TSHZ2: variants seen among roughly 807,000 people sequenced by gnomAD.
The protein encoded by TSHZ2 is teashirt zinc finger homeobox 2, also known as teashirt homolog 2.
Under a neutral mutation model 74.4 loss-of-function variants are expected in TSHZ2, and 21 were observed. The ratio of observed to expected loss-of-function variants is 0.28; its 90% CI spans 0.20 to 0.41. The LOEUF (loss-of-function observed/expected upper bound fraction) is 0.41. Ranked by LOEUF, TSHZ2 falls within the 10% of genes least tolerant of loss-of-function variation. The pLI is 1.00. For synonymous variants in TSHZ2, 540 were observed against 515.3 expected (o/e 1.05, Z -0.65); for missense variants, 1,244 against 1,293.5 (o/e 0.96, Z 0.59).
At chr20:53,445,213 A>G (rs1483613525) in intron 2 of TSHZ2, among the ~76,000 whole-genome samples, 1 of 152,238 alleles carries the variant, frequency 6.6e-6, no homozygotes, top group African/African-American at 2.4e-5. Flanking sequence ...GCATAAACAC[A>G]TAAATAAGAT....
At chr20:53,275,888 T>C (rs911846687) in intron 2 of TSHZ2, among the ~76,000 whole-genome samples, 1 of 152,148 alleles carries the variant, frequency 6.6e-6, no homozygotes, top group African/African-American at 2.4e-5. Context: ...GATCGCACCA[T>C]TGCACTGCAG....
intron 1 of TSHZ2, among the ~76,000 whole-genome samples, chr20:53,214,277 C>A (rs745902160): frequency 2.6e-5 from 4 of 151,900 alleles, no homozygotes; most frequent in South Asian, 2.1e-4. Context: ...GGAGAGGGAG[C>A]GGATGATGGA....
intron 2 of TSHZ2, among the ~76,000 whole-genome samples, chr20:53,332,089 G>T (rs145256105): frequency 9.3e-4 from 142 of 152,264 alleles, no homozygotes; most frequent in Non-Finnish European, 6.2e-4. Flanking sequence ...GTGGGGAAGG[G>T]CAGATGAACT....
chr20:53,224,754 G>A (rs1374597408), intron 1 of TSHZ2, among the ~76,000 whole-genome samples: 1 of 151,728 alleles, frequency 6.6e-6, no homozygotes, highest in Non-Finnish European at 1.5e-5. Context: ...GGAGGCTGAG[G>A]CAGGAGAATT....
chr20:53,378,381 A>C (rs1288802153), intron 2 of TSHZ2, among the ~76,000 whole-genome samples: 2 of 149,054 alleles, frequency 1.3e-5, no homozygotes, highest in African/African-American at 2.5e-5. Context: ...TAATAATAAT[A>C]GAACCTAATG....
chr20:53,089,320 C>CTTTT (rs5841928), intron 1 of TSHZ2, among the ~76,000 whole-genome samples: 70 of 99,904 alleles, frequency 7.0e-4, no homozygotes, highest in African/African-American at 1.6e-3. Context: ...ATGGGATTTT[C>CTTTT]TTTTTTTTTT....
In TSHZ2 at chr20:53,097,422, G is replaced by A. The variant is rs116595438; in HGVS notation, c.40+124089G>A. Among the ~76,000 whole-genome samples, 321 of 152,216 alleles carry A rather than the reference G, an allele frequency of 2.1e-3. 2 individuals carry two copies. Among genetic ancestry groups the A allele is most frequent in the African/African-American group, 7.3e-3 (304 of 41,536 alleles). ...CTCTGATTTCCTGATGCAGAGATGG[G>A]GAAAGCATTCCCATCTCCTTTGGCC... On this transcript the variant is annotated intron_variant, in intron 1 of 2. Coordinates refer to ENST00000371497, the MANE Select transcript of TSHZ2 (RefSeq NM_173485.6).
At chr20:53,442,750 G>A (rs1312973972) in intron 2 of TSHZ2, among the ~76,000 whole-genome samples, 2 of 152,164 alleles carry the variant, frequency 1.3e-5, no homozygotes, top group Non-Finnish European at 2.9e-5. Flanking sequence ...GTTGGAGGTT[G>A]TTCAAAAAGC....
At chr20:53,101,504 T>C (rs1986216890) in intron 1 of TSHZ2, among the ~76,000 whole-genome samples, 1 of 152,228 alleles carries the variant, frequency 6.6e-6, no homozygotes, top group African/African-American at 2.4e-5. Context: ...TCTGTATTCT[T>C]AAGTTTAAAG....
At chr20:53,161,151 A>AAAAAAAAAAAAAAAAG (rs1987927908) in intron 1 of TSHZ2, among the ~76,000 whole-genome samples, 1 of 150,760 alleles carries the variant, frequency 6.6e-6, no homozygotes, top group African/African-American at 2.5e-5. Flanking sequence ...AAAAAAAAAA[A>AAAAAAAAAAAAAAAAG]AATAGGAGGT....
At chr20:53,175,383 C>T (rs964533854) in intron 1 of TSHZ2, among the ~76,000 whole-genome samples, 1 of 152,010 alleles carries the variant, frequency 6.6e-6, no homozygotes, top group Non-Finnish European at 1.5e-5. Flanking sequence ...CTCAGGTGAT[C>T]CACCTGCCTC....
chr20:53,025,627 G>C (rs1983411027), intron 1 of TSHZ2, among the ~76,000 whole-genome samples: 1 of 152,192 alleles, frequency 6.6e-6, no homozygotes, highest in South Asian at 2.1e-4. Context: ...GAACAAGTCA[G>C]GACACCAGTG....
At chr20:53,306,062 C>T (rs1416092901) in intron 2 of TSHZ2, among the ~76,000 whole-genome samples, 1 of 152,102 alleles carries the variant, frequency 6.6e-6, no homozygotes, top group Non-Finnish European at 1.5e-5. Context: ...GCTTTTCTCA[C>T]TGAATAAGAG....
At chr20:53,135,864 C>G (rs1987233804) in intron 1 of TSHZ2, among the ~76,000 whole-genome samples, 1 of 152,136 alleles carries the variant, frequency 6.6e-6, no homozygotes, top group Non-Finnish European at 1.5e-5. Flanking sequence ...CTCAGCCTCC[C>G]AAAGCATTGG....
chr20:53,221,941 G>T (rs1989569354), intron 1 of TSHZ2, among the ~76,000 whole-genome samples: 1 of 152,146 alleles, frequency 6.6e-6, no homozygotes, highest in Admixed American at 6.5e-5. Flanking sequence ...TCTTGCAACT[G>T]CTAATGCCTT....
Position 53,254,981 on chromosome 20 carries a change from A to T in TSHZ2, c.1523A>T (p.Asp508Val). The T allele has an allele frequency of 6.2e-7, 1 of 1,614,210 alleles. No homozygotes were observed. The highest frequency in any genetic ancestry group is 1.7e-5 in the Admixed American group (1 of 60,026). ...TACCTAAGGGAGGAAGACTTGGAAGATGGCTCAAAGGGTGGAGGGGACATT... is the reference window on the plus strand; with the variant it reads ...TACCTAAGGGAGGAAGACTTGGAAGTTGGCTCAAAGGGTGGAGGGGACATT... Reference protein sequence around the residue: ...YQYLREEDLEDGSKGGGDILK... With the variant: ...YQYLREEDLEVGSKGGGDILK... Residue 508 changes from aspartate to valine, a missense_variant, in exon 2 of 3, where the codon GAT becomes GTT. Asp to Val is a radical substitution (Grantham distance 152). Around this residue, in one of 6 missense-constraint regions of TSHZ2, gnomAD observed 562 missense variants for 544.0 expected, o/e 1.03. Coordinates refer to ENST00000371497, the MANE Select transcript of TSHZ2 (RefSeq NM_173485.6).
At chr20:53,429,658 C>A (rs6097413) in intron 2 of TSHZ2, among the ~76,000 whole-genome samples, 1 of 152,146 alleles carries the variant, frequency 6.6e-6, no homozygotes, top group Non-Finnish European at 1.5e-5. Context: ...TCATTAGTAG[C>A]GTGAAAACAG....
At chr20:53,226,134 A>ACG (rs1989680289) in intron 1 of TSHZ2, among the ~76,000 whole-genome samples, 1 of 78,710 alleles carries the variant, frequency 1.3e-5, no homozygotes, top group Non-Finnish European at 2.9e-5. Context: ...ACACACACAC[A>ACG]CACACACACA....
intron 1 of TSHZ2, among the ~76,000 whole-genome samples, chr20:53,231,177 T>C (rs954663290): frequency 1.3e-5 from 2 of 152,200 alleles, no homozygotes; most frequent in African/African-American, 4.8e-5. Context: ...GCAGTCTATT[T>C]ATGTTTGGCT....
Sources: allele counts gnomAD v4.1 joint callset (sites outside exome capture counted in the v4.1 genomes callset), GRCh38; gene constraint gnomAD v4.1.1; regional missense constraint gnomAD v4.1.1; transcripts MANE v1.5; gene names NCBI Gene and HGNC (gene_info 2026-07-23, HGNC 2026-07-21).